Variants in IGSF21 observed in about 807,000 individuals in gnomAD.
IGSF21 encodes immunoglobulin superfamily member 21.
A neutral mutation model predicts 46.8 loss-of-function variants in IGSF21; 28 were observed. The ratio of observed to expected loss-of-function variants is 0.60; its 90% CI spans 0.44 to 0.82. The LOEUF is 0.82. IGSF21 is among the 40% of genes least tolerant of loss of function. IGSF21 has a pLI of 0.00. For missense variants in IGSF21, 624 were observed against 665.5 expected (o/e 0.94, Z 0.69); for synonymous variants, 284 against 273.6 (o/e 1.04, Z -0.38).
chr1:18,118,250 A>G (rs940548144), intron 1 of IGSF21, among the ~76,000 whole-genome samples: 16 of 151,916 alleles, frequency 1.1e-4, no homozygotes, highest in African/African-American at 3.4e-4. Context: ...TGCTTCCTTT[A>G]TCTCCCCAGC....
intron 2 of IGSF21, among the ~76,000 whole-genome samples, chr1:18,276,269 T>C (rs933621907): frequency 2.6e-5 from 4 of 152,182 alleles, no homozygotes; most frequent in African/African-American, 7.2e-5. Context: ...TAGTATTCAG[T>C]GGGCGGCTGA....
intron 3 of IGSF21, among the ~76,000 whole-genome samples, chr1:18,327,459 G>A (rs574731150): frequency 2.6e-5 from 4 of 152,160 alleles, no homozygotes; most frequent in African/African-American, 9.7e-5. Flanking sequence ...CCAGGCCTTT[G>A]AGGCTCTGTT....
At chr1:18,275,771 G>A (rs74056580) in intron 2 of IGSF21, among the ~76,000 whole-genome samples, 2,799 of 152,144 alleles carry the variant, frequency 0.018, 106 homozygotes, top group African/African-American at 0.063. Context: ...ATGGAAATGC[G>A]GCCAAAGTCT....
intron 1 of IGSF21, among the ~76,000 whole-genome samples, chr1:18,166,101 G>A (rs1227978728): frequency 1.3e-5 from 2 of 152,176 alleles, no homozygotes; most frequent in African/African-American, 4.8e-5. Flanking sequence ...CCTTGCTGAA[G>A]AAATTAAATT....
intron 1 of IGSF21, among the ~76,000 whole-genome samples, chr1:18,136,589 G>A (rs1570256714): frequency 1.3e-5 from 2 of 152,292 alleles, no homozygotes; most frequent in South Asian, 2.1e-4. Context: ...CATTATTTCT[G>A]AGGGCTCTGT....
At chr1:18,130,157 G>A (rs1481153901) in intron 1 of IGSF21, among the ~76,000 whole-genome samples, 1 of 152,138 alleles carries the variant, frequency 6.6e-6, no homozygotes, top group African/African-American at 2.4e-5. Context: ...TCTAAGCACT[G>A]GACACCACCC....
chr1:18,205,253 G>GT (rs2084306429), intron 1 of IGSF21, among the ~76,000 whole-genome samples: 9 of 152,006 alleles, frequency 5.9e-5, no homozygotes, highest in Admixed American at 5.9e-4. Context: ...GAAGATTTTT[G>GT]TTTTTTTATG....
chr1:18,319,987 G>C (rs1037743705), intron 3 of IGSF21, among the ~76,000 whole-genome samples: 1 of 152,212 alleles, frequency 6.6e-6, no homozygotes, highest in Non-Finnish European at 1.5e-5. Context: ...ACCTAGGATA[G>C]ACCCTGGTAC....
At chr1:18,277,444 T>A (rs1308946265) in intron 2 of IGSF21, among the ~76,000 whole-genome samples, 1 of 152,210 alleles carries the variant, frequency 6.6e-6, no homozygotes, top group Non-Finnish European at 1.5e-5. Context: ...CACCTCTGTG[T>A]CTAGCACAGG....
At chr1:18,186,979 G>C (rs1449485290) in intron 1 of IGSF21, among the ~76,000 whole-genome samples, 1 of 152,130 alleles carries the variant, frequency 6.6e-6, no homozygotes. Context: ...CATCCCTCCT[G>C]TGACCATCGT....
intron 3 of IGSF21, among the ~76,000 whole-genome samples, chr1:18,327,146 A>T (rs2085665704): frequency 6.6e-6 from 1 of 152,164 alleles, no homozygotes; most frequent in Non-Finnish European, 1.5e-5. Context: ...TTGCACACAC[A>T]ATTCCAACAG....
At chr1:18,368,452 A>C (rs566146126) in intron 6 of IGSF21, among the ~76,000 whole-genome samples, 3 of 150,454 alleles carry the variant, frequency 2.0e-5, no homozygotes, top group Admixed American at 6.7e-5. Flanking sequence ...CAGAGGCTGC[A>C]GTGAGCCGAG....
Position 18,365,444 on chromosome 1 carries a change from C to T in IGSF21, c.762C>T (p.Pro254=). 6.2e-7 allele frequency: 1 copy of T among 1,614,102 alleles called. No individual in the cohort carries two copies. The highest frequency in any genetic ancestry group is 8.5e-7 in the Non-Finnish European group (1 of 1,180,014). Residue 254 remains proline, a synonymous_variant, in exon 6 of 10, where the codon CCC becomes CCT. Coordinates refer to ENST00000251296, the MANE Select transcript of IGSF21 (RefSeq NM_032880.5). The surrounding 1 kb of genome is among the most constrained non-coding windows in gnomAD (Gnocchi z 4.8). ...ERPSRGLTPD[P]NILLQPTTEN... ...CCTCCCGTGGCCTGACCCCAGATCC[C>T]AACATCCTCCTCCAGCCAACCACAG...
intron 4 of IGSF21, among the ~76,000 whole-genome samples, chr1:18,342,168 A>T (rs1190561597): frequency 6.6e-6 from 1 of 151,254 alleles, no homozygotes; most frequent in African/African-American, 2.4e-5. Flanking sequence ...ATCTCAACTC[A>T]CTGCAGCCTC....
intron 4 of IGSF21, among the ~76,000 whole-genome samples, chr1:18,351,347 A>G (rs1254821751): frequency 1.3e-5 from 2 of 152,176 alleles, no homozygotes; most frequent in Non-Finnish European, 2.9e-5. Context: ...CAGTGGACTC[A>G]AGGACACACC....
chr1:18,168,663 G>A lies in IGSF21; in HGVS notation c.71-59235G>A, dbSNP rs192889517. 7.9e-5 allele frequency among the ~76,000 whole-genome samples: 12 copies of A among 152,348 alleles called. No homozygotes were observed. In the East Asian group the frequency reaches 1.9e-3, roughly 24 times the overall value. On this transcript the variant is annotated intron_variant, in intron 1 of 9. Transcript: ENST00000251296. ...TTGCAAGGGGCAGGGGATGGAAGAA[G>A]AAAGGAATCGCTCCCTATCCGAATT...
At chr1:18,156,530 C>T (rs928674939) in intron 1 of IGSF21, among the ~76,000 whole-genome samples, 4 of 152,236 alleles carry the variant, frequency 2.6e-5, no homozygotes, top group South Asian at 2.1e-4. Flanking sequence ...CTGTCCCCGT[C>T]CCCAGCCCCA....
At chr1:18,224,561 C>T (rs1432356515) in intron 1 of IGSF21, among the ~76,000 whole-genome samples, 1 of 152,206 alleles carries the variant, frequency 6.6e-6, no homozygotes, top group Non-Finnish European at 1.5e-5. Flanking sequence ...CTGGCAGCTC[C>T]ATGAGGACAG....
intron 2 of IGSF21, among the ~76,000 whole-genome samples, chr1:18,271,480 C>T (rs528322241): frequency 6.6e-6 from 1 of 152,336 alleles, no homozygotes; most frequent in African/African-American, 2.4e-5. Flanking sequence ...CCTGGTAACC[C>T]TCTCAATCAC....
Sources: gnomAD v4.1 joint callset for allele counts (sites outside exome capture counted in the v4.1 genomes callset) on GRCh38, gnomAD v4.1.1 for gene constraint, Gnocchi (gnomAD v3.1) non-coding constraint, MANE v1.5 for transcripts, NCBI Gene and HGNC (gene_info 2026-07-23, HGNC 2026-07-21) for gene names.